PPFIA2: variants seen among roughly 807,000 people sequenced by gnomAD.
PPFIA2 encodes liprin-alpha-2.
In PPFIA2, 46 loss-of-function variants were observed where a neutral mutation model predicts 175.5. That is an observed-to-expected ratio of 0.26 (90% CI 0.21 to 0.34). The LOEUF is 0.34. PPFIA2 is among the 10% of genes least tolerant of loss of function. The pLI is 1.00. For synonymous variants in PPFIA2, 568 were observed against 511.4 expected, an observed-to-expected ratio of 1.11 and a Z score of -1.49; for missense variants, 1,179 against 1,506.1, an observed-to-expected ratio of 0.78 and a Z score of 3.60.
chr12:81,258,209 A>G lies in PPFIA2; in HGVS notation c.*1485T>C, dbSNP rs2034394252. The G allele has an allele frequency of 6.6e-6, 1 of 152,166 alleles. No homozygotes were observed. 9.4% of individuals were successfully genotyped at this position (152,166 alleles called of 1,614,324 possible). On this transcript the variant is annotated 3_prime_UTR_variant, in exon 33 of 33. Transcript: ENST00000549396. ...TCACCCAAAGAACACATTTCCTGAT[A>G]GTTTAAGTAAATTGTCGAGCCTTAT...
intron 4 of PPFIA2, among the ~76,000 whole-genome samples, chr12:81,481,064 T>C (rs557155774): frequency 6.6e-6 from 1 of 152,238 alleles, no homozygotes; most frequent in East Asian, 1.9e-4. Context: ...AAAACCAATG[T>C]GTAAAAATCA....
At chr12:81,663,145 C>G (rs975862980) in intron 4 of PPFIA2, among the ~76,000 whole-genome samples, 1 of 152,178 alleles carries the variant, frequency 6.6e-6, no homozygotes, top group African/African-American at 2.4e-5. Context: ...GGGAGTCCCT[C>G]TCTCGCCACT....
At chr12:81,684,117 A>C (rs2074091638) in intron 3 of PPFIA2, among the ~76,000 whole-genome samples, 1 of 152,128 alleles carries the variant, frequency 6.6e-6, no homozygotes. Flanking sequence ...CATTAAAACC[A>C]TAGCAGTAGA....
intron 4 of PPFIA2, among the ~76,000 whole-genome samples, chr12:81,482,189 T>C (rs2058315098): frequency 6.6e-6 from 1 of 152,110 alleles, no homozygotes; most frequent in Non-Finnish European, 1.5e-5. Flanking sequence ...CACAATGAGA[T>C]ACCATCTCAT....
intron 24 of PPFIA2, among the ~76,000 whole-genome samples, chr12:81,294,103 A>G (rs2045795130): frequency 1.3e-5 from 2 of 152,122 alleles, no homozygotes; most frequent in South Asian, 4.1e-4. Context: ...GTACATGTGG[A>G]CAGGTAGAAG....
chr12:81,518,512 A>G (rs948076158), intron 4 of PPFIA2, among the ~76,000 whole-genome samples: 5 of 152,144 alleles, frequency 3.3e-5, no homozygotes, highest in South Asian at 2.1e-4. Flanking sequence ...TTCATCTTAG[A>G]TAGTACAACC....
intron 4 of PPFIA2, among the ~76,000 whole-genome samples, chr12:81,539,119 A>G (rs573325778): frequency 6.8e-4 from 103 of 152,002 alleles, no homozygotes; most frequent in African/African-American, 2.3e-3. Context: ...CTGGAATTGA[A>G]TTGTTATCAG....
chr12:81,483,044 G>T (rs1158887499), intron 4 of PPFIA2, among the ~76,000 whole-genome samples: 1 of 152,124 alleles, frequency 6.6e-6, no homozygotes, highest in South Asian at 2.1e-4. Context: ...GAATAATTCT[G>T]CCACAACAGC....
intron 7 of PPFIA2, among the ~76,000 whole-genome samples, chr12:81,406,381 GAC>G (rs1209379432): frequency 1.3e-5 from 2 of 152,014 alleles, no homozygotes; most frequent in East Asian, 1.9e-4. Context: ...AATATAAGCA[GAC>G]ACACAGCTGA....
At chr12:81,723,355 G>T (rs1252369815) in intron 3 of PPFIA2, among the ~76,000 whole-genome samples, 1 of 151,094 alleles carries the variant, frequency 6.6e-6, no homozygotes, top group Non-Finnish European at 1.5e-5. Context: ...AGGATTAAAT[G>T]AAATGATATA....
chr12:81,420,144 A>G (rs1306989853), intron 7 of PPFIA2, among the ~76,000 whole-genome samples: 1 of 152,110 alleles, frequency 6.6e-6, no homozygotes, highest in Non-Finnish European at 1.5e-5. Flanking sequence ...AAGCTACCAT[A>G]CCCACCCAGT....
intron 3 of PPFIA2, among the ~76,000 whole-genome samples, chr12:81,681,183 A>G (rs971756747): frequency 3.3e-5 from 5 of 151,974 alleles, no homozygotes; most frequent in African/African-American, 1.2e-4. Context: ...CAATCATATG[A>G]ATTTTTATCA....
At chr12:81,636,319 G>A (rs2064025285) in intron 4 of PPFIA2, among the ~76,000 whole-genome samples, 1 of 143,380 alleles carries the variant, frequency 7.0e-6, no homozygotes, top group South Asian at 2.2e-4. Flanking sequence ...AGGCTGGAGT[G>A]CAGTGGCGGG....
chr12:81,746,977 T>A (rs1406105601), intron 3 of PPFIA2, among the ~76,000 whole-genome samples: 1 of 143,470 alleles, frequency 7.0e-6, no homozygotes, highest in African/African-American at 2.4e-5. Flanking sequence ...ACATGGAGAA[T>A]ATGAAAGCAT....
At chr12:81,744,237 A>T (rs1455842255) in intron 3 of PPFIA2, among the ~76,000 whole-genome samples, 1 of 152,136 alleles carries the variant, frequency 6.6e-6, no homozygotes, top group East Asian at 1.9e-4. Context: ...TATAGTCTAT[A>T]AAATATGCTC....
chr12:81,529,824 T>C (rs990169723), intron 4 of PPFIA2, among the ~76,000 whole-genome samples: 1 of 151,336 alleles, frequency 6.6e-6, no homozygotes, highest in Non-Finnish European at 1.5e-5. Context: ...TACTGGAGGG[T>C]AGAGGGTGAG....
chr12:81,712,898 T>G (rs909641052), intron 3 of PPFIA2, among the ~76,000 whole-genome samples: 1 of 151,042 alleles, frequency 6.6e-6, no homozygotes, highest in African/African-American at 2.4e-5. Context: ...CCAAGAGAAG[T>G]GATGGTGTGA....
chr12:81,361,421 T>C (rs1038064715), intron 15 of PPFIA2, among the ~76,000 whole-genome samples: 2 of 151,644 alleles, frequency 1.3e-5, no homozygotes, highest in Non-Finnish European at 3.0e-5. Context: ...AATCAGAATC[T>C]TAAAAATGTG....
chr12:81,401,827 A>C (rs1410435914), intron 8 of PPFIA2, among the ~76,000 whole-genome samples: 2 of 152,208 alleles, frequency 1.3e-5, no homozygotes, highest in African/African-American at 4.8e-5. Flanking sequence ...TGGTTCTGAA[A>C]AGGTGGAATT....
Sources: allele counts gnomAD v4.1 joint callset (sites outside exome capture counted in the v4.1 genomes callset), GRCh38; gene constraint gnomAD v4.1.1; transcripts MANE v1.5; gene names NCBI Gene and HGNC (gene_info 2026-07-23, HGNC 2026-07-21).